ADAMTSL1: variants seen among roughly 807,000 people sequenced by gnomAD.
The protein encoded by ADAMTSL1 is ADAMTS-like protein 1.
A neutral mutation model predicts 201.8 loss-of-function variants in ADAMTSL1; 126 were observed. The observed-to-expected ratio is 0.62, with a 90% CI of 0.54 to 0.72. ADAMTSL1 has a LOEUF of 0.72. Ranked by LOEUF, ADAMTSL1 falls within the 30% of genes least tolerant of loss-of-function variation. The probability of loss-of-function intolerance (pLI) is 0.00; values close to 1 mark genes in which losing one functional copy is unlikely to be tolerated. For missense variants in ADAMTSL1, 2,679 were observed against 2,277.8 expected, an observed-to-expected ratio of 1.18 and a Z score of -3.59; for synonymous variants, 1,121 against 903.4, an observed-to-expected ratio of 1.24 and a Z score of -4.32.
intron 4 of ADAMTSL1, among the ~76,000 whole-genome samples, chr9:18,606,869 CA>C (rs1364797874): frequency 6.6e-6 from 1 of 152,176 alleles, no homozygotes; most frequent in African/African-American, 2.4e-5. Flanking sequence ...TCCCACTCTT[CA>C]GAATAATTGT....
chr9:17,977,041 A>T (rs1818481256), intron 1 of ADAMTSL1, among the ~76,000 whole-genome samples: 1 of 152,008 alleles, frequency 6.6e-6, no homozygotes, highest in Non-Finnish European at 1.5e-5. Flanking sequence ...TTATAATAGG[A>T]TGTTAAATTT....
intron 2 of ADAMTSL1, among the ~76,000 whole-genome samples, chr9:18,213,598 A>G (rs1829958466): frequency 6.6e-6 from 1 of 152,176 alleles, no homozygotes; most frequent in Non-Finnish European, 1.5e-5. Context: ...GAAAATGAGG[A>G]CGTTCTGTGC....
intron 1 of ADAMTSL1, among the ~76,000 whole-genome samples, chr9:17,929,412 ATT>A (rs1826688734): frequency 6.6e-6 from 1 of 151,874 alleles, no homozygotes; most frequent in African/African-American, 2.4e-5. Flanking sequence ...CTTTGGGGGC[ATT>A]ATTGCCCCCA....
chr9:17,949,090 A>G (rs1588463454), intron 1 of ADAMTSL1, among the ~76,000 whole-genome samples: 2 of 152,352 alleles, frequency 1.3e-5, no homozygotes, highest in East Asian at 1.9e-4. Flanking sequence ...TGAAGGTACA[A>G]TGTTAAAGCA....
chr9:18,783,048 A>C (rs1485372698), intron 19 of ADAMTSL1, among the ~76,000 whole-genome samples: 1 of 152,222 alleles, frequency 6.6e-6, no homozygotes, highest in Non-Finnish European at 1.5e-5. Flanking sequence ...GCAGATTCAC[A>C]TGGGCTAACT....
intron 1 of ADAMTSL1, among the ~76,000 whole-genome samples, chr9:18,077,061 G>C (rs2131754867): frequency 6.6e-6 from 1 of 152,312 alleles, no homozygotes; most frequent in East Asian, 1.9e-4. Context: ...GAGATGGGAA[G>C]AGTGAAAGAG....
chr9:18,586,681 C>G (rs117442549), intron 4 of ADAMTSL1, among the ~76,000 whole-genome samples: 1 of 152,070 alleles, frequency 6.6e-6, no homozygotes, highest in Non-Finnish European at 1.5e-5. Context: ...CATCACATTA[C>G]CTGACTTCAA....
chr9:18,341,877 G>A (rs1835476986), intron 2 of ADAMTSL1, among the ~76,000 whole-genome samples: 1 of 152,068 alleles, frequency 6.6e-6, no homozygotes. Flanking sequence ...TTAAACCAAA[G>A]TATTATGTTC....
chr9:18,657,063 A>G (rs16936951), intron 7 of ADAMTSL1, among the ~76,000 whole-genome samples: 9,479 of 152,326 alleles, frequency 0.062, 357 homozygotes, highest in Middle Eastern at 0.15. Context: ...AACCATCAAC[A>G]TTTGAATTAC....
intron 2 of ADAMTSL1, among the ~76,000 whole-genome samples, chr9:18,213,051 T>C (rs551609444): frequency 6.6e-6 from 1 of 152,352 alleles, no homozygotes; most frequent in South Asian, 2.1e-4. Flanking sequence ...CCTGACTTAA[T>C]GCAAGACTTG....
intron 20 of ADAMTSL1, among the ~76,000 whole-genome samples, chr9:18,797,522 G>A (rs1822502007): frequency 6.6e-6 from 1 of 152,162 alleles, no homozygotes; most frequent in African/African-American, 2.4e-5. Context: ...CTAGAATTGG[G>A]AGAAAGTTGC....
intron 2 of ADAMTSL1, among the ~76,000 whole-genome samples, chr9:18,295,472 G>A (rs1333974888): frequency 1.3e-5 from 2 of 151,982 alleles, no homozygotes; most frequent in East Asian, 3.9e-4. Context: ...CTGAGTAGCT[G>A]GGACTACAGG....
intron 15 of ADAMTSL1, among the ~76,000 whole-genome samples, chr9:18,740,129 TG>T (rs1818736504): frequency 6.6e-6 from 1 of 152,112 alleles, no homozygotes; most frequent in Non-Finnish European, 1.5e-5. Context: ...AGGGCCTACT[TG>T]AAGCAACATG....
chr9:18,599,457 C>G (rs1370146058), intron 4 of ADAMTSL1, among the ~76,000 whole-genome samples: 3 of 152,124 alleles, frequency 2.0e-5, no homozygotes, highest in African/African-American at 4.8e-5. Flanking sequence ...TGATTCTCCT[C>G]ATGCATGGGT....
chr9:18,270,532 A>C (rs1187399682), intron 2 of ADAMTSL1, among the ~76,000 whole-genome samples: 1 of 152,232 alleles, frequency 6.6e-6, no homozygotes, highest in Non-Finnish European at 1.5e-5. Flanking sequence ...GAATGGAATG[A>C]ATGCTAGCTG....
At chr9:18,823,308 C>T (rs572982612) in intron 21 of ADAMTSL1, among the ~76,000 whole-genome samples, 16 of 152,318 alleles carry the variant, frequency 1.1e-4, no homozygotes, top group Non-Finnish European at 1.9e-4. Context: ...TCTTCCTCCA[C>T]CCTGCTATTC....
At chr9:18,898,007 C>G (rs1424828626) in intron 26 of ADAMTSL1, among the ~76,000 whole-genome samples, 1 of 142,990 alleles carries the variant, frequency 7.0e-6, no homozygotes, top group Admixed American at 7.0e-5. Flanking sequence ...AAAACCCCAT[C>G]TCTACTAAAA....
In ADAMTSL1 at chr9:18,071,006, G is replaced by C. The variant is rs371791503; in HGVS notation, c.88-92856G>C. ...GTAGACTCAGGGCTAGACAGGACTA[G>C]AAGGAAAGCAAAGCAAGAAAAAACA... On this transcript the variant is annotated intron_variant, in intron 1 of 29. Coordinates refer to the ADAMTSL1 transcript ENST00000680146. 4.3e-4 allele frequency among the ~76,000 whole-genome samples: 65 copies of C among 152,328 alleles called. No homozygotes were observed. In the East Asian group the frequency reaches 0.012, roughly 29 times the overall value.
At chr9:18,749,512 A>G (rs1390831397) in intron 15 of ADAMTSL1, among the ~76,000 whole-genome samples, 1 of 152,170 alleles carries the variant, frequency 6.6e-6, no homozygotes, top group African/African-American at 2.4e-5. Context: ...GCTTCTGCAG[A>G]AGCCAGGCCC....
Sources: allele counts gnomAD v4.1 joint callset (sites outside exome capture counted in the v4.1 genomes callset), GRCh38; gene constraint gnomAD v4.1.1; transcripts MANE v1.5; gene names NCBI Gene and HGNC (gene_info 2026-07-23, HGNC 2026-07-21).